The following LDLRAD1 variants were observed in gnomAD, a reference collection of about 807,000 sequenced individuals.
The protein encoded by LDLRAD1 is low density lipoprotein receptor class A domain containing 1, also known as low-density lipoprotein receptor class A domain-containing protein 1.
Under a neutral mutation model 24.8 loss-of-function variants are expected in LDLRAD1, and 17 were observed. That is an observed-to-expected ratio of 0.69 (90% CI 0.47 to 1.03). The LOEUF (loss-of-function observed/expected upper bound fraction) is 1.03. LDLRAD1 is among the 50% of genes least tolerant of loss of function. The probability of loss-of-function intolerance (pLI) is 0.00; values close to 1 mark genes in which losing one functional copy is unlikely to be tolerated. For synonymous variants in LDLRAD1, 103 were observed against 108.2 expected (o/e 0.95, Z 0.30); for missense variants, 277 against 271.0 (o/e 1.02, Z -0.16).
intron 4 of LDLRAD1, 112 bp from the exon 5 acceptor site, chr1:54,010,522 C>T (rs1557661450): frequency 1.9e-6 from 2 of 1,060,528 alleles, no homozygotes; most frequent in Admixed American, 4.2e-5. Context: ...GGATCAGTGC[C>T]CATCCAGCCC....
Position 54,010,385 on chromosome 1 carries a change from G to T in LDLRAD1, c.366C>A (p.His122Gln), listed in dbSNP as rs1301333476. ...GGTCTCCACAGTGGGCCACAAGGAA[G>T]TGGGGGAGGCTCTGGGGCACATCTC... ...LCRDVPQSLP[H>Q]FLVAHCGDPA... Residue 122 changes from histidine to glutamine, a missense_variant, in exon 5 of 6, where the codon CAC becomes CAA. By Grantham distance (24) the His-to-Gln change is conservative. Coordinates refer to ENST00000371360, the MANE Select transcript of LDLRAD1 (RefSeq NM_001010978.4). 6.2e-7 allele frequency: 1 copy of T among 1,614,112 alleles called. No individual in the cohort carries two copies. The highest frequency in any genetic ancestry group is 8.5e-7 in the Non-Finnish European group (1 of 1,180,014).
chr1:54,011,684 G>A (rs1656055966), intron 4 of LDLRAD1, among the ~76,000 whole-genome samples: 1 of 152,152 alleles, frequency 6.6e-6, no homozygotes, highest in Non-Finnish European at 1.5e-5. Flanking sequence ...ATACCCCTCT[G>A]TGCTAGGCAC....
At position 54,008,876 on chromosome 1, in the gene LDLRAD1, C is replaced by CGGTGGTAGGCGTATT; in HGVS notation, c.*105_*106insAATACGCCTACCACC. 2.0e-6 allele frequency: 2 copies of CGGTGGTAGGCGTATT among 986,042 alleles called. No homozygotes were observed. Among genetic ancestry groups the CGGTGGTAGGCGTATT allele is most frequent in the Non-Finnish European group, 3.0e-6 (2 of 675,786 alleles). 61.1% of individuals were successfully genotyped at this position (986,042 alleles called of 1,614,324 possible). On this transcript the variant is annotated 3_prime_UTR_variant, in exon 6 of 6. Transcript: ENST00000371360. ...CTATTCAGAAATGATGTGTAGATCC[C>CGGTGGTAGGCGTATT]ATTTCAAAGGCTGCTTCCTGCCCTT...
intron 2 of LDLRAD1, among the ~76,000 whole-genome samples, chr1:54,014,981 T>G (rs1351120055): frequency 6.6e-6 from 1 of 152,234 alleles, no homozygotes. Context: ...TGCCTCAGTT[T>G]CCTCATGTGG....
rs539546345 is a variant in LDLRAD1 at position 54,008,557 on chromosome 1, A to ATT, written c.*423_*424dup. ...TTTGTTTGTGTTTGTGTTTTGTTTC[A>ATT]TTTTTTTTTTGAGACAGGGTCTCAC... On this transcript the variant is annotated 3_prime_UTR_variant, in exon 6 of 6. Coordinates refer to ENST00000371360, the MANE Select transcript of LDLRAD1 (RefSeq NM_001010978.4). 10 of 152,730 alleles carry ATT rather than the reference A, an allele frequency of 6.5e-5. No individual in the cohort carries two copies. Among genetic ancestry groups the ATT allele is most frequent in the African/African-American group, 2.0e-4 (8 of 40,554 alleles). The allele number at this position is 152,730 out of a possible 1,614,324, so 9.5% of individuals were successfully genotyped here. A position where few individuals can be genotyped will look rare whatever the true frequency, so the allele number is the denominator to read the frequency against.
chr1:54,016,667 T>C (rs1165604125), intron 2 of LDLRAD1, among the ~76,000 whole-genome samples: 1 of 152,206 alleles, frequency 6.6e-6, no homozygotes, highest in Non-Finnish European at 1.5e-5. Context: ...ATTTGAACCC[T>C]GGCCCTCCAA....
At chr1:54,013,657 C>T (rs918310228) in intron 3 of LDLRAD1, among the ~76,000 whole-genome samples, 1 of 152,072 alleles carries the variant, frequency 6.6e-6, no homozygotes, top group Non-Finnish European at 1.5e-5. Flanking sequence ...TTCCTGGCAT[C>T]CCCCCACTAC....
At chr1:54,012,017 T>C in intron 4 of LDLRAD1, 126 bp downstream of exon 4, 1 of 1,154,866 alleles carries the variant, frequency 8.7e-7, no homozygotes, top group Admixed American at 2.1e-5. Context: ...CAGGTGTTCC[T>C]GGATGAAGGC....
At chr1:54,011,364 C>T (rs944934635) in intron 4 of LDLRAD1, among the ~76,000 whole-genome samples, 1 of 152,176 alleles carries the variant, frequency 6.6e-6, no homozygotes, top group East Asian at 1.9e-4. Context: ...ATGGAAAAAC[C>T]TTCCAATCCT....
At chr1:54,013,873 A>T (rs545525202) in intron 3 of LDLRAD1, among the ~76,000 whole-genome samples, 13 of 152,002 alleles carry the variant, frequency 8.6e-5, no homozygotes, top group African/African-American at 2.2e-4. Context: ...TGTGGTGGAG[A>T]TGGGCACACA....
At chr1:54,014,164 C>A in intron 3 of LDLRAD1, 72 bp downstream of exon 3, 1 of 1,523,486 alleles carries the variant, frequency 6.6e-7, no homozygotes, top group Non-Finnish European at 8.9e-7. Flanking sequence ...CAGGTCGGGG[C>A]TCCCTCATCT....
intron 4 of LDLRAD1, among the ~76,000 whole-genome samples, chr1:54,010,949 G>C (rs1465263297): frequency 6.6e-6 from 1 of 152,304 alleles, no homozygotes; most frequent in South Asian, 2.1e-4. Flanking sequence ...ACAAACTCAG[G>C]CCACATCACT....
intron 4 of LDLRAD1, among the ~76,000 whole-genome samples, chr1:54,010,983 G>C (rs550534467): frequency 6.6e-6 from 1 of 152,340 alleles, no homozygotes; most frequent in East Asian, 1.9e-4. Context: ...CTTGGGCAGG[G>C]AGGGAGCAAG....
chr1:54,010,590 G>A (rs1656009885), intron 4 of LDLRAD1, among the ~76,000 whole-genome samples, 180 bp from the exon 5 acceptor site: 1 of 151,956 alleles, frequency 6.6e-6, no homozygotes, highest in South Asian at 2.1e-4. Flanking sequence ...GGAGAGGAGA[G>A]CTCCGTTGCT....
chr1:54,017,595 T>C (rs888827026), intron 1 of LDLRAD1, among the ~76,000 whole-genome samples, 168 bp from the exon 2 acceptor site: 15 of 152,186 alleles, frequency 9.9e-5, no homozygotes, highest in African/African-American at 3.6e-4. Flanking sequence ...CCGCTTCATA[T>C]GTCCACACCT....
chr1:54,015,267 G>A (rs1656255112), intron 2 of LDLRAD1, among the ~76,000 whole-genome samples: 1 of 152,098 alleles, frequency 6.6e-6, no homozygotes. Context: ...ACTGTGTCTG[G>A]CCTGTTATTG....
Position 54,008,897 on chromosome 1 carries a change from C to CGTAT in LDLRAD1, c.*84_*85insATAC. The CGTAT allele has an allele frequency of 7.9e-6, 9 of 1,136,870 alleles. No individual in the cohort carries two copies. Among genetic ancestry groups the CGTAT allele is most frequent in the South Asian group, 4.5e-5 (2 of 44,042 alleles). The allele number at this position is 1,136,870 out of a possible 1,614,324, so 70.4% of individuals were successfully genotyped here. ...ATCCCATTTCAAAGGCTGCTTCCTG[C>CGTAT]CCTTGTGCGCTAGGATTTGATTTTC... On this transcript the variant is annotated 3_prime_UTR_variant, in exon 6 of 6. Transcript: ENST00000371360.
intron 4 of LDLRAD1, among the ~76,000 whole-genome samples, chr1:54,011,603 G>T (rs897719792): frequency 5.9e-5 from 9 of 152,166 alleles, no homozygotes; most frequent in African/African-American, 2.4e-5. Flanking sequence ...AGAACCTTCA[G>T]GTGTGTCTAA....
At position 54,008,310 on chromosome 1, in the gene LDLRAD1, G is replaced by C. The variant is rs987916367; in HGVS notation, c.*672C>G. On this transcript the variant is annotated 3_prime_UTR_variant, in exon 6 of 6. Transcript: ENST00000371360. ...GATGCTAAAGTTGCATCCAAGCCCA[G>C]TATATCTGCCTTAGGTACCAAAGGG... 1.3e-5 allele frequency: 2 copies of C among 152,216 alleles called. No homozygotes were observed. Among genetic ancestry groups the C allele is most frequent in the African/African-American group, 4.8e-5 (2 of 41,454 alleles). 9.4% of individuals were successfully genotyped at this position (152,216 alleles called of 1,614,324 possible). A position where few individuals can be genotyped will look rare whatever the true frequency, so the allele number is the denominator to read the frequency against.
Sources: gnomAD v4.1 joint callset for allele counts (sites outside exome capture counted in the v4.1 genomes callset) on GRCh38, gnomAD v4.1.1 for gene constraint, MANE v1.5 for transcripts, NCBI Gene and HGNC (gene_info 2026-07-23, HGNC 2026-07-21) for gene names.